The following PTPRD variants were observed in gnomAD, a reference collection of about 807,000 sequenced individuals.
PTPRD encodes protein tyrosine phosphatase receptor type D.
PTPRD carries 34 observed loss-of-function variants against 214.5 expected under a neutral mutation model. The observed-to-expected ratio is 0.16, with a 90% CI of 0.12 to 0.21. PTPRD has a LOEUF of 0.21. Ranked by LOEUF, PTPRD falls within the 10% of genes least tolerant of loss-of-function variation. The pLI is 1.00. For missense variants in PTPRD, 2,545 were observed against 2,398.7 expected (o/e 1.06, Z -1.27); for synonymous variants, 1,128 against 845.7 (o/e 1.33, Z -5.79).
At chr9:10,061,807 T>A (rs147223855) in intron 3 of PTPRD, among the ~76,000 whole-genome samples, 1 of 152,194 alleles carries the variant, frequency 6.6e-6, no homozygotes, top group Non-Finnish European at 1.5e-5. Context: ...TTTTTGGGGA[T>A]TGTAATGATC....
chr9:10,357,479 T>C (rs2097300118), intron 2 of PTPRD, among the ~76,000 whole-genome samples: 1 of 152,190 alleles, frequency 6.6e-6, no homozygotes, highest in Non-Finnish European at 1.5e-5. Context: ...GCCAGTAAAA[T>C]GGAATAAGAT....
chr9:8,839,304 A>ATTTATTTG (rs749479921), intron 11 of PTPRD, among the ~76,000 whole-genome samples: 783 of 20,002 alleles, frequency 0.039, 6 homozygotes, highest in African/African-American at 0.23. Flanking sequence ...AGGGGATTTT[A>ATTTATTTG]TTTATTTATT....
At chr9:8,422,409 T>C (rs907870877) in intron 35 of PTPRD, among the ~76,000 whole-genome samples, 4 of 152,114 alleles carry the variant, frequency 2.6e-5, no homozygotes, top group Admixed American at 2.0e-4. Flanking sequence ...TGGTTGTTTA[T>C]TTTTCAGAAA....
chr9:9,593,622 G>T (rs920793917), intron 7 of PTPRD, among the ~76,000 whole-genome samples: 1 of 152,046 alleles, frequency 6.6e-6, no homozygotes, highest in South Asian at 2.1e-4. Context: ...GCCCCACAGA[G>T]CACCATGAGA....
At chr9:10,367,319 C>G (rs973538512) in intron 2 of PTPRD, among the ~76,000 whole-genome samples, 2 of 151,850 alleles carry the variant, frequency 1.3e-5, no homozygotes, top group African/African-American at 4.8e-5. Context: ...CTTAAGAAAC[C>G]CTCTTAAGAG....
chr9:9,806,005 A>G (rs996338634), intron 5 of PTPRD, among the ~76,000 whole-genome samples: 3 of 152,196 alleles, frequency 2.0e-5, no homozygotes, highest in Non-Finnish European at 4.4e-5. Context: ...GGTGATCCTA[A>G]CCCTCAAGTG....
At chr9:8,917,425 C>CCGCG (rs1484154976) in intron 11 of PTPRD, among the ~76,000 whole-genome samples, 2 of 151,918 alleles carry the variant, frequency 1.3e-5, no homozygotes, top group Admixed American at 1.3e-4. Context: ...GTGTGAGCCA[C>CCGCG]CGCGCCCGGC....
chr9:8,641,764 G>A (rs1053843126), intron 12 of PTPRD, among the ~76,000 whole-genome samples: 10 of 152,280 alleles, frequency 6.6e-5, no homozygotes, highest in African/African-American at 1.9e-4. Context: ...CACAAACTGC[G>A]CACTGATTTT....
chr9:9,450,164 T>C (rs1465581134), intron 8 of PTPRD, among the ~76,000 whole-genome samples: 1 of 151,608 alleles, frequency 6.6e-6, no homozygotes, highest in African/African-American at 2.4e-5. Flanking sequence ...TTATCCACTC[T>C]GATTGATGGG....
chr9:10,019,118 A>C (rs1282042057), intron 4 of PTPRD, among the ~76,000 whole-genome samples: 1 of 152,168 alleles, frequency 6.6e-6, no homozygotes, highest in African/African-American at 2.4e-5. Flanking sequence ...TGGGCGAAAG[A>C]TATGAACAGA....
At chr9:8,730,663 CAACT>C (rs1474287620) in intron 12 of PTPRD, among the ~76,000 whole-genome samples, 5 of 152,286 alleles carry the variant, frequency 3.3e-5, no homozygotes, top group Middle Eastern at 3.4e-3. Flanking sequence ...GTATGAAATA[CAACT>C]AACAGAAGCT....
chr9:8,468,633 T>C (rs13291309), intron 31 of PTPRD, among the ~76,000 whole-genome samples: 7,323 of 151,962 alleles, frequency 0.048, 239 homozygotes, highest in South Asian at 0.095. Flanking sequence ...GGAAATCCCC[T>C]TAGGCCACCA....
At chr9:8,534,079 G>C (rs117598614) in intron 14 of PTPRD, among the ~76,000 whole-genome samples, 1 of 151,908 alleles carries the variant, frequency 6.6e-6, no homozygotes, top group East Asian at 1.9e-4. Flanking sequence ...CTTTAGTTTC[G>C]TCAGCAAGTG....
At chr9:9,939,574 C>T (rs1000004128) in intron 4 of PTPRD, among the ~76,000 whole-genome samples, 1 of 152,184 alleles carries the variant, frequency 6.6e-6, no homozygotes, top group African/African-American at 2.4e-5. Context: ...CTTGATCTAA[C>T]TGCCAGAGTA....
chr9:9,002,162 T>G (rs1010364978), intron 11 of PTPRD, among the ~76,000 whole-genome samples: 10 of 151,976 alleles, frequency 6.6e-5, no homozygotes, highest in African/African-American at 2.4e-4. Flanking sequence ...ATATATTATC[T>G]AGAAGATAGG....
intron 5 of PTPRD, among the ~76,000 whole-genome samples, chr9:9,888,891 CA>C (rs1286764448): frequency 6.6e-6 from 1 of 152,108 alleles, no homozygotes; most frequent in Non-Finnish European, 1.5e-5. Context: ...TCACCTATTG[CA>C]GTACCTCTTT....
chr9:8,370,099 A>T (rs2134321774), intron 39 of PTPRD, among the ~76,000 whole-genome samples: 1 of 152,228 alleles, frequency 6.6e-6, no homozygotes, highest in Non-Finnish European at 1.5e-5. Context: ...ATGACCTCTT[A>T]AGAAAATCTC....
intron 9 of PTPRD, among the ~76,000 whole-genome samples, chr9:9,323,150 T>C (rs986905501): frequency 1.3e-5 from 2 of 152,280 alleles, no homozygotes; most frequent in Middle Eastern, 3.4e-3. Flanking sequence ...TATTGTATTA[T>C]AGAGCAAGAT....
chr9:8,371,943 A>T (rs2081655503), intron 39 of PTPRD, among the ~76,000 whole-genome samples: 1 of 152,026 alleles, frequency 6.6e-6, no homozygotes, highest in Non-Finnish European at 1.5e-5. Context: ...CTAAATTACA[A>T]AGGGGCATGA....
Sources: gnomAD v4.1 joint callset for allele counts (sites outside exome capture counted in the v4.1 genomes callset) on GRCh38, gnomAD v4.1.1 for gene constraint, MANE v1.5 for transcripts, NCBI Gene and HGNC (gene_info 2026-07-23, HGNC 2026-07-21) for gene names.